LRRK2: variants seen among roughly 807,000 people sequenced by gnomAD.
LRRK2 encodes the protein leucine-rich repeat serine/threonine-protein kinase 2.
A neutral mutation model predicts 302.6 loss-of-function variants in LRRK2; 203 were observed. The observed-to-expected ratio is 0.67, with a 90% CI of 0.60 to 0.75. LRRK2 has a LOEUF of 0.75. LRRK2 is among the 30% of genes least tolerant of loss of function. The pLI is 0.00. For synonymous variants in LRRK2, 1,066 were observed against 1,031.9 expected (o/e 1.03, Z -0.63); for missense variants, 2,830 against 2,951.0 (o/e 0.96, Z 0.95).
rs568966959 is a variant in LRRK2 at position 40,291,371 on chromosome 12, A to G, written c.2690-2174A>G. Among the ~76,000 whole-genome samples the G allele has an allele frequency of 3.3e-5, 5 of 151,768 alleles. No individual in the cohort carries two copies. In the South Asian group the frequency reaches 8.3e-4, roughly 25 times the overall value. Reference sequence around the variant, plus strand: ...TGCAGCACACCAGCATGGCACATGTATACATATGTAACAAACCTGCATGTT... The same window carrying G: ...TGCAGCACACCAGCATGGCACATGTGTACATATGTAACAAACCTGCATGTT... On this transcript the variant is annotated intron_variant, in intron 20 of 50. Coordinates refer to ENST00000298910, the MANE Select transcript of LRRK2 (RefSeq NM_198578.4).
intron 18 of LRRK2, among the ~76,000 whole-genome samples, chr12:40,282,755 A>G (rs1943762415): frequency 6.6e-6 from 1 of 152,194 alleles, no homozygotes; most frequent in African/African-American, 2.4e-5. Flanking sequence ...AACCACATAA[A>G]TGAATGTCCC....
At chr12:40,284,423 T>A (rs1319130757) in intron 19 of LRRK2, among the ~76,000 whole-genome samples, 1 of 151,258 alleles carries the variant, frequency 6.6e-6, no homozygotes, top group African/African-American at 2.4e-5. Context: ...TCCCTGTTTT[T>A]AAAGGAAATA....
Position 40,258,432 on chromosome 12 carries a change from G to A in LRRK2, c.1419-1048G>A, listed in dbSNP as rs191499340. The stretch of plus-strand genomic sequence containing the variant: ...CTTAAATGTTGATTTTAATGGGGCC[G>A]GAAGTGTGCAAACCTTTACAAATGA... On this transcript the variant is annotated intron_variant, in intron 12 of 50. Coordinates refer to ENST00000298910, the MANE Select transcript of LRRK2 (RefSeq NM_198578.4). Among the ~76,000 whole-genome samples, 265 of 152,166 alleles carry A rather than the reference G, an allele frequency of 1.7e-3. 1 individual carries two copies. The highest frequency in any genetic ancestry group is 4.8e-3 in the African/African-American group (198 of 41,508).
intron 10 of LRRK2, among the ~76,000 whole-genome samples, chr12:40,252,366 A>G (rs1942310966): frequency 6.6e-6 from 1 of 152,202 alleles, no homozygotes; most frequent in Admixed American, 6.6e-5. Context: ...AGAAACAGTA[A>G]TTCTTTTGAA....
intron 42 of LRRK2, among the ~76,000 whole-genome samples, chr12:40,347,731 G>A (rs907948130): frequency 6.6e-6 from 1 of 152,206 alleles, no homozygotes; most frequent in African/African-American, 2.4e-5. Flanking sequence ...GGGAGGCCCA[G>A]GCAGGCAGAT....
chr12:40,260,750 T>C (rs1194163439), intron 13 of LRRK2, among the ~76,000 whole-genome samples: 1 of 152,006 alleles, frequency 6.6e-6, no homozygotes, highest in African/African-American at 2.4e-5. Context: ...GGTAGTCAAG[T>C]GAGACCCAGT....
intron 38 of LRRK2, among the ~76,000 whole-genome samples, chr12:40,325,054 G>A (rs940648146): frequency 5.9e-5 from 9 of 152,162 alleles, no homozygotes; most frequent in African/African-American, 2.2e-4. Context: ...TTGGGAGGCC[G>A]AGGTGGGTGT....
rs185226821 is a variant in LRRK2, at chr12:40,321,684, G to A, written c.5171-351G>A. 5.9e-5 allele frequency among the ~76,000 whole-genome samples: 9 copies of A among 152,202 alleles called. No homozygotes were observed. In the East Asian group the frequency reaches 1.7e-3, roughly 29 times the overall value. On this transcript the variant is annotated intron_variant, in intron 35 of 50. Coordinates refer to ENST00000298910, the MANE Select transcript of LRRK2 (RefSeq NM_198578.4). ...ATTGGAATTAATCAACATATAGGTA[G>A]TTACATTGCATTAAAAAGTTCAGAA...
intron 19 of LRRK2, among the ~76,000 whole-genome samples, chr12:40,284,608 A>C (rs1048054137): frequency 6.6e-6 from 1 of 152,270 alleles, no homozygotes; most frequent in African/African-American, 2.4e-5. Context: ...TTATATTTCA[A>C]TTGATAATGC....
At chr12:40,272,481 G>C (rs554203472) in intron 14 of LRRK2, among the ~76,000 whole-genome samples, 1 of 152,298 alleles carries the variant, frequency 6.6e-6, no homozygotes, top group African/African-American at 2.4e-5. Context: ...GGAGGATTAA[G>C]TAGGTGAATA....
intron 33 of LRRK2, among the ~76,000 whole-genome samples, chr12:40,315,849 A>C (rs529785095): frequency 6.6e-6 from 1 of 152,026 alleles, no homozygotes; most frequent in Non-Finnish European, 1.5e-5. Context: ...GAGTTTAATT[A>C]GTTATAATAA....
intron 19 of LRRK2, 119 bp from the exon 20 acceptor site, chr12:40,287,232 A>G: frequency 1.1e-6 from 1 of 896,904 alleles, no homozygotes; most frequent in South Asian, 1.5e-5. Context: ...GGTGACTTTG[A>G]AAGGAAAAAT....
chr12:40,352,459 GT>G (rs1290200289), intron 44 of LRRK2, among the ~76,000 whole-genome samples: 1 of 56,208 alleles, frequency 1.8e-5, no homozygotes, highest in Non-Finnish European at 4.4e-5. Flanking sequence ...TAGTTCTGAG[GT>G]TAAACAATCT....
chr12:40,339,954 A>T (rs972599805), intron 40 of LRRK2, among the ~76,000 whole-genome samples: 3 of 152,232 alleles, frequency 2.0e-5, no homozygotes, highest in Admixed American at 2.0e-4. Flanking sequence ...TAAAATATTC[A>T]TATGATCATT....
chr12:40,240,424 ATAAT>A, intron 5 of LRRK2, 55 bp from the exon 6 acceptor site: 2 of 1,477,472 alleles, frequency 1.4e-6, no homozygotes, highest in Non-Finnish European at 9.4e-7. Flanking sequence ...TAATTTTTGA[ATAAT>A]TAAACTTTCA....
intron 33 of LRRK2, among the ~76,000 whole-genome samples, chr12:40,318,463 A>G (rs1322380907): frequency 5.9e-5 from 9 of 152,138 alleles, no homozygotes; most frequent in African/African-American, 2.2e-4. Flanking sequence ...TAGCTCATGT[A>G]ATTCTCACAG....
At chr12:40,279,905 C>T (rs1943614573) in intron 18 of LRRK2, among the ~76,000 whole-genome samples, 1 of 152,108 alleles carries the variant, frequency 6.6e-6, no homozygotes, top group African/African-American at 2.4e-5. Flanking sequence ...GTCGTATGTA[C>T]CTTATTTGTG....
At position 40,367,052 on chromosome 12, in the gene LRRK2, T is replaced by C. The variant is rs202033317; in HGVS notation, c.7437T>C (p.Asn2479=). Residue 2479 remains asparagine (N), a synonymous_variant, in exon 50 of 51, where the codon AAT becomes AAC. Transcript: ENST00000298910. ...VMLVLGYNRK[N]TEGTQKQKEI... ...TGGTATTGGGCTACAACCGGAAAAA[T>C]ACTGAAGGTACACAAAAGCAGAAAG... 3.7e-6 allele frequency: 6 copies of C among 1,609,400 alleles called. No homozygotes were observed. The highest frequency in any genetic ancestry group is 3.3e-4 in the Middle Eastern group (2 of 6,046).
intron 23 of LRRK2, among the ~76,000 whole-genome samples, chr12:40,297,865 C>A (rs1413280059): frequency 3.9e-5 from 6 of 152,026 alleles, no homozygotes; most frequent in Non-Finnish European, 8.8e-5. Context: ...AAATTTCTGA[C>A]AGCATTTAAA....
Sources: allele counts gnomAD v4.1 joint callset (sites outside exome capture counted in the v4.1 genomes callset), GRCh38; gene constraint gnomAD v4.1.1; transcripts MANE v1.5; gene names NCBI Gene and HGNC (gene_info 2026-07-23, HGNC 2026-07-21).